The following PCDH15 variants were observed in gnomAD, a reference collection of about 807,000 sequenced individuals.
PCDH15 encodes the protein protocadherin-15.
In PCDH15, 129 loss-of-function variants were observed where a neutral mutation model predicts 178.5. That is an observed-to-expected ratio of 0.72 (90% CI 0.63 to 0.84). PCDH15 has a LOEUF of 0.84. Ranked by LOEUF, PCDH15 falls within the 40% of genes least tolerant of loss-of-function variation. The pLI is 0.00. For missense variants in PCDH15, 2,230 were observed against 2,099.9 expected (o/e 1.06, Z -1.21); for synonymous variants, 800 against 732.0 (o/e 1.09, Z -1.50).
chr10:55,538,416 C>T (rs1390064630), intron 2 of PCDH15, among the ~76,000 whole-genome samples: 8 of 101,130 alleles, frequency 7.9e-5, no homozygotes, highest in South Asian at 3.7e-4. Flanking sequence ...CTTCCTTCCT[C>T]CCTCCCTCCC....
At chr10:55,413,760 A>G (rs111505368) in intron 2 of PCDH15, among the ~76,000 whole-genome samples, 1,887 of 151,806 alleles carry the variant, frequency 0.012, 49 homozygotes, top group African/African-American at 0.043. Flanking sequence ...ACACTTTTTA[A>G]TCTCAGAAAT....
intron 25 of PCDH15, among the ~76,000 whole-genome samples, chr10:53,920,256 T>C (rs2083884536): frequency 6.6e-6 from 1 of 152,008 alleles, no homozygotes; most frequent in Non-Finnish European, 1.5e-5. Flanking sequence ...TATATGTTTA[T>C]AATCACCATA....
intron 3 of PCDH15, among the ~76,000 whole-genome samples, chr10:54,821,439 A>G (rs1241058149): frequency 1.3e-5 from 2 of 152,098 alleles, no homozygotes; most frequent in East Asian, 1.9e-4. Context: ...CAAATGTAAA[A>G]TTAGAAGTAA....
At chr10:53,882,819 G>A (rs1436670971) in intron 26 of PCDH15, among the ~76,000 whole-genome samples, 2 of 151,984 alleles carry the variant, frequency 1.3e-5, no homozygotes, top group Non-Finnish European at 2.9e-5. Flanking sequence ...AATTATTAAT[G>A]TTCTGTATTA....
Position 53,827,471 on chromosome 10 carries a change from G to A in PCDH15, c.4289C>T (p.Ala1430Val). ...CGGCGGCGGGGGCGCTGCCACTGGT[G>A]CAGGAGCCGGCACTGCTGGTTTAGC... ...PAAKPAVPAP[A>V]PVAAPPPPPP... Residue 1430 changes from alanine to valine, a missense_variant, in exon 32 of 38, where the codon GCA becomes GTA. Coordinates refer to ENST00000644397, the MANE Select transcript of PCDH15 (RefSeq NM_001384140.1). The A allele has an allele frequency of 6.2e-7, 1 of 1,614,016 alleles. No homozygotes were observed. The highest frequency in any genetic ancestry group is 8.5e-7 in the Non-Finnish European group (1 of 1,179,910).
chr10:54,341,975 T>A (rs2795924), intron 6 of PCDH15, among the ~76,000 whole-genome samples: 1 of 152,014 alleles, frequency 6.6e-6, no homozygotes, highest in South Asian at 2.1e-4. Flanking sequence ...AAGCATACAG[T>A]CATAGGCATA....
At chr10:54,067,498 T>C (rs10825214) in intron 17 of PCDH15, among the ~76,000 whole-genome samples, 13,012 of 152,250 alleles carry the variant, frequency 0.085, 739 homozygotes, top group East Asian at 0.25. Context: ...GTGTGCTACC[T>C]AGTTAAAAGT....
At chr10:54,617,922 CAAA>C (rs3071002) in intron 2 of PCDH15, among the ~76,000 whole-genome samples, 199 of 125,066 alleles carry the variant, frequency 1.6e-3, no homozygotes, top group Non-Finnish European at 2.2e-3. Context: ...GACTCCATTT[CAAA>C]AAAAAAAAAA....
At chr10:55,440,926 C>T (rs933686792) in intron 2 of PCDH15, among the ~76,000 whole-genome samples, 1 of 152,130 alleles carries the variant, frequency 6.6e-6, no homozygotes, top group Non-Finnish European at 1.5e-5. Flanking sequence ...ACCATTAGAT[C>T]TGATGAGACT....
intron 1 of PCDH15, among the ~76,000 whole-genome samples, chr10:54,722,323 C>T (rs1941754493): frequency 6.8e-6 from 1 of 146,614 alleles, no homozygotes. Context: ...GATGTCAACT[C>T]TTATTCTTAT....
chr10:54,205,827 T>A (rs1458708245), intron 10 of PCDH15, among the ~76,000 whole-genome samples: 2 of 152,004 alleles, frequency 1.3e-5, no homozygotes, highest in Non-Finnish European at 2.9e-5. Context: ...CAAAAACTTA[T>A]AAATAAATTC....
intron 8 of PCDH15, among the ~76,000 whole-genome samples, chr10:54,262,115 T>C (rs2057356403): frequency 6.6e-6 from 1 of 152,068 alleles, no homozygotes; most frequent in East Asian, 1.9e-4. Context: ...CCATAGATCT[T>C]TGGACTGGTA....
At chr10:55,089,612 T>C (rs531080067) in intron 2 of PCDH15, among the ~76,000 whole-genome samples, 2 of 152,260 alleles carry the variant, frequency 1.3e-5, no homozygotes, top group South Asian at 4.1e-4. Flanking sequence ...CTGAAGAATT[T>C]GTATCATTAC....
intron 15 of PCDH15, among the ~76,000 whole-genome samples, chr10:54,100,292 G>A (rs2094785631): frequency 6.6e-6 from 1 of 151,686 alleles, no homozygotes; most frequent in African/African-American, 2.4e-5. Context: ...TTGAACCCGG[G>A]AGGCAGAGGT....
intron 2 of PCDH15, among the ~76,000 whole-genome samples, chr10:55,334,126 A>G (rs1844290301): frequency 6.7e-6 from 1 of 150,076 alleles, no homozygotes; most frequent in East Asian, 1.9e-4. Flanking sequence ...GTCAGTGTGC[A>G]CATATGTAGC....
At position 54,455,018 on chromosome 10, in the gene PCDH15, A is replaced by G. The variant is rs1028631842; in HGVS notation, c.157+72794T>C. Among the ~76,000 whole-genome samples, 11 of 152,250 alleles carry G rather than the reference A, an allele frequency of 7.2e-5. No homozygotes were observed. In the East Asian group the frequency reaches 1.4e-3, roughly 19 times the overall value. On this transcript the variant is annotated intron_variant, in intron 3 of 37. Coordinates refer to ENST00000644397, the MANE Select transcript of PCDH15 (RefSeq NM_001384140.1). ...CTTGTGATAGTGAATTTGTTCTCAC[A>G]AGATATCATGGTTTTATAAGGGGTT...
chr10:54,429,224 GTGTT>G (rs995908829), intron 3 of PCDH15, among the ~76,000 whole-genome samples: 7 of 152,072 alleles, frequency 4.6e-5, no homozygotes, highest in Admixed American at 1.3e-4. Flanking sequence ...TTTCTTTTTG[GTGTT>G]TGTTTGTTTA....
At chr10:55,575,454 C>T (rs1589149341) in intron 2 of PCDH15, among the ~76,000 whole-genome samples, 1 of 152,104 alleles carries the variant, frequency 6.6e-6, no homozygotes, top group Non-Finnish European at 1.5e-5. Flanking sequence ...GGACAATAGA[C>T]TTGGTAGCCA....
intron 2 of PCDH15, among the ~76,000 whole-genome samples, chr10:54,913,461 G>T (rs61854522): frequency 1.3e-5 from 2 of 152,170 alleles, no homozygotes; most frequent in Non-Finnish European, 2.9e-5. Context: ...ACACCTGGAT[G>T]TCCAGGCAGA....
Sources: gnomAD v4.1 joint callset for allele counts (sites outside exome capture counted in the v4.1 genomes callset) on GRCh38, gnomAD v4.1.1 for gene constraint, MANE v1.5 for transcripts, NCBI Gene and HGNC (gene_info 2026-07-23, HGNC 2026-07-21) for gene names.